The following NEK5 variants were observed in gnomAD, a reference collection of about 807,000 sequenced individuals.
NEK5 encodes NIMA related kinase 5.
NEK5 carries 88 observed loss-of-function variants against 109.2 expected under a neutral mutation model. The ratio of observed to expected loss-of-function variants is 0.81; its 90% confidence interval spans 0.68 to 0.96. The LOEUF (loss-of-function observed/expected upper bound fraction) is 0.96, where lower values mean the gene tolerates loss of function less well. Ranked by LOEUF, NEK5 falls within the 40% of genes least tolerant of loss-of-function variation. NEK5 has a pLI of 0.00. For missense variants in NEK5, 834 were observed against 920.7 expected (o/e 0.91, Z 1.22); for synonymous variants, 283 against 299.9 (o/e 0.94, Z 0.58).
At chr13:52,105,389 A>G (rs923750499) in intron 8 of NEK5, among the ~76,000 whole-genome samples, 2 of 151,762 alleles carry the variant, frequency 1.3e-5, no homozygotes, top group African/African-American at 4.8e-5. Flanking sequence ...TTTTTTTAAT[A>G]ATTTTTTTTT....
At chr13:52,096,254 T>C (rs1464243686) in intron 12 of NEK5, among the ~76,000 whole-genome samples, 1 of 152,160 alleles carries the variant, frequency 6.6e-6, no homozygotes, top group African/African-American at 2.4e-5. Flanking sequence ...GGGTATTGTA[T>C]AAAGATACCT....
At chr13:52,068,996 GA>G (rs60079103) in intron 20 of NEK5, among the ~76,000 whole-genome samples, 1,934 of 147,296 alleles carry the variant, frequency 0.013, 45 homozygotes, top group African/African-American at 0.046. Flanking sequence ...AAAGAAAAAA[GA>G]AAAAAAAAGG....
At chr13:52,108,522 C>A in intron 7 of NEK5, 118 bp from the exon 8 acceptor site, 1 of 594,470 alleles carries the variant, frequency 1.7e-6, no homozygotes. Context: ...TTGATGCATA[C>A]ATGTGTTAGA....
intron 21 of NEK5, among the ~76,000 whole-genome samples, chr13:52,062,431 C>CTT (rs35081117): frequency 1.4e-5 from 2 of 145,708 alleles, no homozygotes; most frequent in African/African-American, 2.5e-5. Flanking sequence ...TTCTTTCTTT[C>CTT]TTTTTTTTTT....
chr13:52,083,347 GT>G lies in NEK5; in HGVS notation c.1484del (p.Asn495ThrfsTer4). On this transcript the variant is annotated frameshift_variant, in exon 17 of 24. Transcript: ENST00000684899. LOFTEE classifies it high-confidence loss of function. ...AATAGGTTTTATGACTTATTTTTGA[GT>G]TCTCCTTTAACACAAATTATACACA... ...RKKMGREPEE[N>X]SKISHKTYLV... 6.2e-7 allele frequency: 1 copy of G among 1,603,156 alleles called. No individual in the cohort carries two copies. Among genetic ancestry groups the G allele is most frequent in the Non-Finnish European group, 8.5e-7 (1 of 1,170,288 alleles).
chr13:52,098,968 A>C (rs561693912), intron 12 of NEK5, among the ~76,000 whole-genome samples: 1 of 152,368 alleles, frequency 6.6e-6, no homozygotes, highest in Admixed American at 6.5e-5. Context: ...GGTTAAAAAA[A>C]CAAAAGAATG....
chr13:52,099,817 C>G lies in NEK5; in HGVS notation c.952G>C (p.Val318Leu). 3.7e-6 allele frequency: 6 copies of G among 1,613,788 alleles called. No individual in the cohort carries two copies. Among genetic ancestry groups the G allele is most frequent in the Non-Finnish European group, 3.4e-6 (4 of 1,179,684 alleles). ...GKCPPRSRIS[V>L]PIKRNAILHR... ...AATATAGCATTCCTTTTAATTGGCA[C>G]AGATATCCTTGATCTTGGTGGGCAC... is the stretch of plus-strand genomic sequence containing the variant. Residue 318 changes from valine (V) to leucine (L), a missense_variant, in exon 12 of 24, where the codon GTG becomes CTG. By Grantham distance (32) the Val-to-Leu change is conservative (BLOSUM62 1). Around this residue, in one of 2 missense-constraint regions of NEK5, gnomAD observed 777 missense variants for 824.7 expected, o/e 0.94. Transcript: ENST00000684899.
intron 4 of NEK5, among the ~76,000 whole-genome samples, chr13:52,114,241 AAAAAAACCCTGAAGG>A (rs1036445563): frequency 2.6e-5 from 4 of 152,226 alleles, no homozygotes; most frequent in African/African-American, 7.2e-5. Flanking sequence ...ACAAACAAAC[AAAAAAACCCTGAAGG>A]AACACAAAAC....
At chr13:52,100,330 G>C (rs1480254088) in intron 11 of NEK5, among the ~76,000 whole-genome samples, 1 of 152,060 alleles carries the variant, frequency 6.6e-6, no homozygotes, top group Admixed American at 6.6e-5. Flanking sequence ...GGCAGGGTCT[G>C]AGCTCACTGC....
chr13:52,114,622 G>A (rs1955816981), intron 4 of NEK5, among the ~76,000 whole-genome samples: 1 of 152,238 alleles, frequency 6.6e-6, no homozygotes, highest in Non-Finnish European at 1.5e-5. Flanking sequence ...GCGAAGTCTA[G>A]TTGGGGAGTC....
chr13:52,108,431 C>A, intron 7 of NEK5, 27 bp from the exon 8 acceptor site: 2 of 1,409,400 alleles, frequency 1.4e-6, no homozygotes, highest in South Asian at 1.2e-5. Flanking sequence ...AATAATAAAT[C>A]AGCATGATTT....
chr13:52,045,169 G>A (rs1289868133), intron 23 of NEK5, among the ~76,000 whole-genome samples: 2 of 121,022 alleles, frequency 1.7e-5, no homozygotes, highest in Admixed American at 1.1e-4. Flanking sequence ...TCTCTCTGTC[G>A]CCCAGGCTGG....
In NEK5 at chr13:52,104,552, C is replaced by T. The variant is rs1955612381; in HGVS notation, c.555G>A (p.Thr185=). The T allele has an allele frequency of 1.9e-6, 3 of 1,598,918 alleles. No individual in the cohort carries two copies. The highest frequency in any genetic ancestry group is 2.6e-6 in the Non-Finnish European group (3 of 1,166,710). The change falls in exon 9 of 24, where the codon ACG becomes ACA. Residue 185 remains threonine (T), a splice_region_variant and synonymous_variant. Transcript: ENST00000684899. ...ICQNKPYNNK[T]DIWSLGCVLY... is the part of the protein sequence containing the mutation. ...AGACACAGCCAAGAGACCAAATATC[C>T]CTAAAGAAGATAAGAGTTTACATGC...
intron 22 of NEK5, among the ~76,000 whole-genome samples, chr13:52,053,823 A>G (rs1954529156): frequency 6.6e-6 from 1 of 152,224 alleles, no homozygotes; most frequent in African/African-American, 2.4e-5. Context: ...AAGTGGTTTT[A>G]TTAAGGCAGG....
At chr13:52,092,443 G>A (rs531806100) in intron 13 of NEK5, among the ~76,000 whole-genome samples, 59 of 151,738 alleles carry the variant, frequency 3.9e-4, no homozygotes, top group African/African-American at 1.4e-3. Flanking sequence ...AAGAAAGAAA[G>A]GCTGGGAATA....
intron 4 of NEK5, among the ~76,000 whole-genome samples, chr13:52,116,410 C>T (rs1955858426): frequency 6.6e-6 from 1 of 152,100 alleles, no homozygotes; most frequent in East Asian, 1.9e-4. Flanking sequence ...GCACAGTACT[C>T]ACAGCACTTT....
chr13:52,128,468 C>T (rs1203757927), intron 1 of NEK5, among the ~76,000 whole-genome samples: 2 of 152,110 alleles, frequency 1.3e-5, no homozygotes, highest in Non-Finnish European at 2.9e-5. Context: ...TATTGCTTTC[C>T]TTCTATTTCC....
chr13:52,101,700 G>A (rs1955535212), intron 11 of NEK5, among the ~76,000 whole-genome samples: 1 of 152,142 alleles, frequency 6.6e-6, no homozygotes, highest in Non-Finnish European at 1.5e-5. Context: ...TCTGCTTCAT[G>A]GAGGTTTCCT....
Position 52,119,340 on chromosome 13 carries a change from C to A in NEK5, c.193G>T (p.Ala65Ser). The A allele has an allele frequency of 6.3e-7, 1 of 1,595,288 alleles. No individual in the cohort carries two copies. The highest frequency in any genetic ancestry group is 1.1e-5 in the South Asian group (1 of 89,234). ...LEKMKHPNIV[A>S]FFNSFQENGR... is the part of the protein sequence containing the mutation. ...AAACCTTGAAATGAATTGAAGAAGG[C>A]TACAATGTTGGGATGTTTCATCTTT... Residue 65 changes from alanine to serine, a missense_variant, in exon 4 of 24, where the codon GCC (alanine) becomes TCC (serine). Ala to Ser is a moderately conservative substitution (Grantham distance 99, BLOSUM62 1). Coordinates refer to ENST00000684899, the MANE Select transcript of NEK5 (RefSeq NM_001365552.1).
Sources: gnomAD v4.1 joint callset for allele counts (sites outside exome capture counted in the v4.1 genomes callset) on GRCh38, gnomAD v4.1.1 for gene constraint, gnomAD v4.1.1 regional missense constraint, MANE v1.5 for transcripts, NCBI Gene and HGNC (gene_info 2026-07-23, HGNC 2026-07-21) for gene names.